ACTA2: variants seen among roughly 807,000 people sequenced by gnomAD.
ACTA2 encodes actin, aortic smooth muscle.
Under a neutral mutation model 39.5 loss-of-function variants are expected in ACTA2, and 12 were observed. That is an observed-to-expected ratio of 0.30 (90% CI 0.19 to 0.49). ACTA2 has a LOEUF of 0.49. ACTA2 is among the 20% of genes least tolerant of loss of function. ACTA2 has a pLI of 0.99. For missense variants in ACTA2, 236 were observed against 498.8 expected (o/e 0.47, Z 5.02); for synonymous variants, 158 against 180.6 (o/e 0.88, Z 1.00).
chr10:88,961,551 T>A (rs1846226328), intron 1 of ACTA2, among the ~76,000 whole-genome samples: 2 of 152,140 alleles, frequency 1.3e-5, no homozygotes, highest in African/African-American at 4.8e-5. Context: ...ACTGGCTGAT[T>A]TATACACATC....
intron 7 of ACTA2, 193 bp from the exon 8 acceptor site, chr10:88,938,435 AG>A: frequency 1.6e-6 from 1 of 630,830 alleles, no homozygotes; most frequent in Non-Finnish European, 2.8e-6. Flanking sequence ...CCTTCTAATG[AG>A]GAAGGCCTGC....
intron 1 of ACTA2, among the ~76,000 whole-genome samples, chr10:88,976,945 G>A (rs573897018): frequency 2.0e-5 from 3 of 152,308 alleles, no homozygotes; most frequent in Non-Finnish European, 1.5e-5. Context: ...TCTGGTGAAG[G>A]TAATTTTTGC....
intron 1 of ACTA2, among the ~76,000 whole-genome samples, chr10:88,970,895 G>A (rs142838717): frequency 0.1 from 15,095 of 143,958 alleles, 858 homozygotes; most frequent in Non-Finnish European, 0.14. Context: ...GTGTGTGTGT[G>A]TGTATATATA....
intron 2 of ACTA2, among the ~76,000 whole-genome samples, chr10:88,947,649 G>A (rs560412321): frequency 6.6e-6 from 1 of 152,296 alleles, no homozygotes; most frequent in South Asian, 2.1e-4. Flanking sequence ...TATGTTCCTT[G>A]ATGAGCTTTT....
At chr10:88,955,034 G>GAAGGGAAAAAAAAAAAAAAAAAAAAAAAA (rs1846114308), upstream of ACTA2, among the ~76,000 whole-genome samples, 1 of 137,080 alleles carries the variant, frequency 7.3e-6, no homozygotes, top group Non-Finnish European at 1.6e-5. Flanking sequence ...AAAAAAAAAA[G>GAAGGGAAAAAAAAAAAAAAAAAAAAAAAA]AAGAAGAAGG....
intron 1 of ACTA2, among the ~76,000 whole-genome samples, chr10:88,978,006 C>T (rs1846611877): frequency 2.2e-5 from 1 of 45,694 alleles, no homozygotes; most frequent in African/African-American, 9.0e-5. Context: ...ACCCAAATGT[C>T]CAACAATGAT....
chr10:88,958,478 A>G (rs1225266967), intron 1 of ACTA2, among the ~76,000 whole-genome samples: 1 of 152,232 alleles, frequency 6.6e-6, no homozygotes, highest in Admixed American at 6.5e-5. Flanking sequence ...GCATGGCCCC[A>G]GAGCTGGTAA....
At chr10:88,989,158 G>A (rs1847018173) in intron 1 of ACTA2, among the ~76,000 whole-genome samples, 1 of 152,040 alleles carries the variant, frequency 6.6e-6, no homozygotes, top group Non-Finnish European at 1.5e-5. Context: ...ATCTCACTGG[G>A]CTATAATGAT....
intron 3 of ACTA2, among the ~76,000 whole-genome samples, chr10:88,944,346 G>GTTA (rs1845909090): frequency 6.6e-6 from 1 of 152,232 alleles, no homozygotes; most frequent in African/African-American, 2.4e-5. Flanking sequence ...TAACCCTCGA[G>GTTA]TTATTGTCCA....
chr10:88,984,649 C>T (rs1378237080), intron 1 of ACTA2, among the ~76,000 whole-genome samples: 1 of 152,230 alleles, frequency 6.6e-6, no homozygotes, highest in Non-Finnish European at 1.5e-5. Context: ...GGTCCATGCT[C>T]TCTGAGCCAG....
intron 1 of ACTA2, among the ~76,000 whole-genome samples, chr10:88,981,714 G>C (rs927558798): frequency 9.2e-5 from 14 of 152,272 alleles, no homozygotes; most frequent in African/African-American, 2.6e-4. Context: ...GGAAACGGTA[G>C]ATAAAAGATT....
rs145087459 is a variant in ACTA2, at chr10:88,959,786, A to G, written c.-23-10833T>C. ...GCATTTAAGTCAAGTCTCTTTAGCC[A>G]TGTCCTCTTAGCTGTGACAGTTTCT... On this transcript the variant is annotated intron_variant, in intron 1 of 4. Transcript: ENST00000415557. Among the ~76,000 whole-genome samples the G allele has an allele frequency of 8.2e-4, 125 of 152,266 alleles. 1 individual carries two copies. The highest frequency in any genetic ancestry group is 2.9e-3 in the African/African-American group (119 of 41,564).
At chr10:88,950,439 A>G (rs879386857) in intron 1 of ACTA2, among the ~76,000 whole-genome samples, 1 of 152,368 alleles carries the variant, frequency 6.6e-6, no homozygotes, top group Admixed American at 6.5e-5. Context: ...AAACATTCCC[A>G]CAAAATCAAA....
At chr10:88,968,857 G>A (rs931308795) in intron 1 of ACTA2, among the ~76,000 whole-genome samples, 7 of 152,116 alleles carry the variant, frequency 4.6e-5, no homozygotes. Context: ...CCCTTTTAAA[G>A]CCTTCTTCTT....
chr10:88,990,808 G>T lies in ACTA2; in HGVS notation c.-24+131C>A. The T allele has an allele frequency of 6.2e-7, 1 of 1,608,918 alleles. No individual in the cohort carries two copies. The highest frequency in any genetic ancestry group is 1.7e-4 in the Middle Eastern group (1 of 6,054). Reference sequence around the variant, plus strand: ...CCCAGGCGGAGCTGCCTCTTCTCCCGCGGGTTGGTGGACCCGCTCAGTACG... The same window carrying T: ...CCCAGGCGGAGCTGCCTCTTCTCCCTCGGGTTGGTGGACCCGCTCAGTACG... On this transcript the variant is annotated intron_variant, in intron 1 of 4. Transcript: ENST00000415557. This position sits in a 1 kb window ranked among gnomAD's most constrained non-coding sequence, Gnocchi z 4.9.
At chr10:88,963,728 G>C (rs994149912) in intron 1 of ACTA2, among the ~76,000 whole-genome samples, 5 of 152,100 alleles carry the variant, frequency 3.3e-5, no homozygotes, top group Non-Finnish European at 7.4e-5. Flanking sequence ...TGACAAGCTT[G>C]GGCATTACCA....
chr10:88,955,031 A>G (rs1026249858), upstream of ACTA2, among the ~76,000 whole-genome samples: 13 of 151,452 alleles, frequency 8.6e-5, no homozygotes, highest in South Asian at 2.1e-4. Flanking sequence ...AAAAAAAAAA[A>G]AAGAAGAAGA....
In ACTA2 at chr10:88,941,774, C is replaced by T. The variant is rs1357470461; in HGVS notation, c.454+11G>A. The T allele has an allele frequency of 6.2e-7, 1 of 1,609,030 alleles. No homozygotes were observed. Among genetic ancestry groups the T allele is most frequent in the South Asian group, 1.1e-5 (1 of 90,130 alleles). On this transcript the variant is annotated intron_variant, in intron 5 of 8. Coordinates refer to ENST00000224784, the MANE Select transcript of ACTA2 (RefSeq NM_001613.4). ...GCTCCAACCAGCTTGCTGTCCCGCC[C>T]AGCCACCTACCAGTTGTGCGTCCAG...
intron 3 of ACTA2, among the ~76,000 whole-genome samples, chr10:88,945,599 C>T (rs1845931634): frequency 6.6e-6 from 1 of 152,076 alleles, no homozygotes; most frequent in African/African-American, 2.4e-5. Context: ...AGCTCTTCTT[C>T]TCATTAGCTC....
Sources: allele counts gnomAD v4.1 joint callset (sites outside exome capture counted in the v4.1 genomes callset), GRCh38; gene constraint gnomAD v4.1.1; non-coding constraint Gnocchi (gnomAD v3.1); transcripts MANE v1.5; gene names NCBI Gene and HGNC (gene_info 2026-07-23, HGNC 2026-07-21).